The following TRANK1 variants were observed in gnomAD, a reference collection of about 807,000 sequenced individuals.
TRANK1 encodes the protein tetratricopeptide repeat and ankyrin repeat containing 1.
In TRANK1, 198 loss-of-function variants were observed where a neutral mutation model predicts 266.0. That is an observed-to-expected ratio of 0.74 (90% CI 0.66 to 0.84). The LOEUF (loss-of-function observed/expected upper bound fraction) is 0.84, where lower values mean the gene tolerates loss of function less well. Ranked by LOEUF, TRANK1 falls within the 40% of genes least tolerant of loss-of-function variation. TRANK1 has a pLI of 0.00. For missense variants in TRANK1, 3,326 were observed against 3,634.6 expected (o/e 0.92, Z 2.18); for synonymous variants, 1,396 against 1,384.1 (o/e 1.01, Z -0.19).
intron 1 of TRANK1, among the ~76,000 whole-genome samples, chr3:36,944,039 A>G (rs2080534782): frequency 6.6e-6 from 1 of 152,162 alleles, no homozygotes; most frequent in Non-Finnish European, 1.5e-5. Flanking sequence ...TTGCAAGTGC[A>G]CAGGGCTCCC....
chr3:36,858,000 G>C lies in TRANK1; in HGVS notation c.1722C>G (p.Ser574=), dbSNP rs761415202. The change falls in exon 13 of 24, where the codon TCC becomes TCG. Residue 574 remains serine (S), a synonymous_variant. Transcript: ENST00000645898. The surrounding 1 kb of genome is among the most constrained non-coding windows in gnomAD (Gnocchi z 4.3). ...FLSHLLDLFW[S]NPTEFDYLNP... ...TGAGGTAGTCGAATTCAGTGGGGTTGGACCAAAACAGATCCAACAGATGGC... is the reference window on the plus strand; with the variant it reads ...TGAGGTAGTCGAATTCAGTGGGGTTCGACCAAAACAGATCCAACAGATGGC... The C allele has an allele frequency of 6.3e-7, 1 of 1,593,438 alleles. No individual in the cohort carries two copies. Among genetic ancestry groups the C allele is most frequent in the Non-Finnish European group, 8.5e-7 (1 of 1,176,266 alleles).
intron 13 of TRANK1, among the ~76,000 whole-genome samples, chr3:36,854,340 A>G (rs2079022382): frequency 6.6e-6 from 1 of 151,538 alleles, no homozygotes; most frequent in Non-Finnish European, 1.5e-5. Context: ...GGCCTGAGCA[A>G]CAGAGCAAGA....
At chr3:36,931,701 C>A (rs991024922) in intron 1 of TRANK1, among the ~76,000 whole-genome samples, 3 of 151,818 alleles carry the variant, frequency 2.0e-5, no homozygotes, top group Non-Finnish European at 4.4e-5. Context: ...GACCCTGTCA[C>A]AAAAAGAAAG....
Position 36,855,933 on chromosome 3 carries a change from C to T in TRANK1, c.3789G>A (p.Leu1263=). The change falls in exon 13 of 24, where the codon CTG becomes CTA. Residue 1263 remains leucine, a synonymous_variant. Transcript: ENST00000645898. ...TTTTCAAGCTTCCATCTTCGTTTCT[C>T]AGAAAAAATGGTTTGGGCAGAGAAG... is the stretch of plus-strand genomic sequence containing the variant. ...LDASLPKPFF[L]RNEDGSLKRT... 6.2e-7 allele frequency: 1 copy of T among 1,613,484 alleles called. No homozygotes were observed. The highest frequency in any genetic ancestry group is 8.5e-7 in the Non-Finnish European group (1 of 1,179,820).
At chr3:36,904,203 C>T (rs968306249) in intron 2 of TRANK1, among the ~76,000 whole-genome samples, 1 of 152,102 alleles carries the variant, frequency 6.6e-6, no homozygotes, top group African/African-American at 2.4e-5. Context: ...ATCCGCCTGC[C>T]TCAGCTTCCC....
At chr3:36,913,947 C>A (rs2125638727) in intron 1 of TRANK1, among the ~76,000 whole-genome samples, 1 of 152,252 alleles carries the variant, frequency 6.6e-6, no homozygotes, top group African/African-American at 2.4e-5. Flanking sequence ...TTATTTACAG[C>A]CTCAATTACA....
chr3:36,857,731 A>C lies in TRANK1; in HGVS notation c.1991T>G (p.Leu664Arg), dbSNP rs774740234. The part of the protein sequence containing the change: ...RRSRQDSAAH[L>R]GKLSKSTAPG... The stretch of plus-strand genomic sequence containing the variant: ...GGCAGTGGACTTTGAGAGCTTCCCC[A>C]GGTGGGCAGCAGAGTCCTGCCGGCT... The change falls in exon 13 of 24, where the codon CTG becomes CGG. Residue 664 changes from leucine to arginine, a missense_variant. Physicochemically the swap from Leu to Arg is moderately radical, Grantham distance 102. Coordinates refer to ENST00000645898, the MANE Select transcript of TRANK1 (RefSeq NM_001329998.2). This position sits in a 1 kb window ranked among gnomAD's most constrained non-coding sequence, Gnocchi z 4.3. 6.2e-7 allele frequency: 1 copy of C among 1,614,008 alleles called. No individual in the cohort carries two copies. Among genetic ancestry groups the C allele is most frequent in the Non-Finnish European group, 8.5e-7 (1 of 1,179,886 alleles).
At chr3:36,870,955 A>T (rs578153746) in intron 9 of TRANK1, among the ~76,000 whole-genome samples, 28 of 145,744 alleles carry the variant, frequency 1.9e-4, no homozygotes, top group African/African-American at 6.8e-4. Flanking sequence ...GTATTATACA[A>T]GGAAACTAAA....
At chr3:36,919,418 T>C (rs1473485427) in intron 1 of TRANK1, among the ~76,000 whole-genome samples, 1 of 152,252 alleles carries the variant, frequency 6.6e-6, no homozygotes, top group Non-Finnish European at 1.5e-5. Flanking sequence ...TTAAAGATTA[T>C]CCATGTGAGA....
intron 1 of TRANK1, among the ~76,000 whole-genome samples, chr3:36,944,531 G>A (rs1287111181): frequency 6.6e-6 from 1 of 152,316 alleles, no homozygotes; most frequent in African/African-American, 2.4e-5. Context: ...CAGGCCGCGC[G>A]CCGCCGCAGT....
chr3:36,833,524 C>G lies in TRANK1; in HGVS notation c.6059G>C (p.Cys2020Ser). The change falls in exon 22 of 24, where the codon TGC becomes TCC. Residue 2020 changes from cysteine to serine, a missense_variant. Coordinates refer to ENST00000645898, the MANE Select transcript of TRANK1 (RefSeq NM_001329998.2). ...KDILREALDI[C>S]YQTGQLSGIA... ...GCCAGACAACTGGCCAGTTTGATAG[C>G]AGATATCAAGTGCTTCTCTCAGAAT... 2 of 1,613,874 alleles carry G rather than the reference C, an allele frequency of 1.2e-6. No homozygotes were observed. Among genetic ancestry groups the G allele is most frequent in the Non-Finnish European group, 1.7e-6 (2 of 1,179,808 alleles).
intron 4 of TRANK1, 68 bp from the exon 5 acceptor site, chr3:36,895,826 C>T (rs1359545794): frequency 4.6e-5 from 49 of 1,057,712 alleles, no homozygotes; most frequent in Admixed American, 2.8e-5. Context: ...GGAAAAGGTC[C>T]TCCAATTAAG....
intron 8 of TRANK1, chr3:36,880,216 T>A (rs542436823): frequency 1.4e-5 from 3 of 213,176 alleles, no homozygotes; most frequent in South Asian, 1.8e-4. Flanking sequence ...CAAGTTAGTC[T>A]TTCTTCATAA....
At position 36,878,351 on chromosome 3, in the gene TRANK1, G is replaced by A. The variant is rs574129723; in HGVS notation, c.908-4055C>T. On this transcript the variant is annotated intron_variant, in intron 8 of 23. Transcript: ENST00000645898. ...TCGTCTTGCACAAAACCAGTCCCTG[G>A]TGCCAAAAAGGTTGGGGACCACTGC... Among the ~76,000 whole-genome samples, 33 of 152,276 alleles carry A rather than the reference G, an allele frequency of 2.2e-4. No individual in the cohort carries two copies. In the East Asian group the frequency reaches 5.4e-3, roughly 25 times the overall value.
chr3:36,936,300 C>T (rs2080424490), intron 1 of TRANK1, among the ~76,000 whole-genome samples: 1 of 152,054 alleles, frequency 6.6e-6, no homozygotes, highest in African/African-American at 2.4e-5. Flanking sequence ...GCCTGGGCAA[C>T]ATAGCGAGAT....
In TRANK1 at chr3:36,834,770, T is replaced by C; in HGVS notation, c.5655A>G (p.Ala1885=). ...AGAATAAAACCACCTACTTTTCCAC[T>C]GCAATAGCAGCTTCTTCAAAAAGCT... is the stretch of plus-strand genomic sequence containing the variant. ...QEELFEEAAI[A]VEKYEEMLKT... The change falls in exon 21 of 24, where the codon GCA becomes GCG. Residue 1885 remains alanine, a synonymous_variant. Coordinates refer to ENST00000645898, the MANE Select transcript of TRANK1 (RefSeq NM_001329998.2). The C allele has an allele frequency of 6.2e-7, 1 of 1,610,380 alleles. No homozygotes were observed. Among genetic ancestry groups the C allele is most frequent in the Non-Finnish European group, 8.5e-7 (1 of 1,178,880 alleles).
chr3:36,893,722 A>G (rs1417422846), intron 5 of TRANK1, among the ~76,000 whole-genome samples: 1 of 152,196 alleles, frequency 6.6e-6, no homozygotes, highest in African/African-American at 2.4e-5. Flanking sequence ...TCATTCAGGT[A>G]TGCTAACAGA....
rs138464748 is a variant in TRANK1, at chr3:36,877,001, C to A, written c.908-2705G>T. Among the ~76,000 whole-genome samples, 458 of 152,280 alleles carry A rather than the reference C, an allele frequency of 3.0e-3. 2 individuals are homozygous for A. Among genetic ancestry groups the A allele is most frequent in the African/African-American group, 0.011 (440 of 41,544 alleles). Reference sequence around the variant, plus strand: ...AGACCATTGTAACAACAAGCACCCACCAAATTACAAACAAAGCTGAAGATT... The same window carrying A: ...AGACCATTGTAACAACAAGCACCCAACAAATTACAAACAAAGCTGAAGATT... On this transcript the variant is annotated intron_variant, in intron 8 of 23. Coordinates refer to ENST00000645898, the MANE Select transcript of TRANK1 (RefSeq NM_001329998.2).
At chr3:36,943,285 T>C (rs1311750954) in intron 1 of TRANK1, among the ~76,000 whole-genome samples, 7 of 152,178 alleles carry the variant, frequency 4.6e-5, no homozygotes. Context: ...GCTGCAATTT[T>C]ACATGTGTAT....
Sources: allele counts gnomAD v4.1 joint callset (sites outside exome capture counted in the v4.1 genomes callset), GRCh38; gene constraint gnomAD v4.1.1; non-coding constraint Gnocchi (gnomAD v3.1); transcripts MANE v1.5; gene names NCBI Gene and HGNC (gene_info 2026-07-23, HGNC 2026-07-21).